Variants in SLC22A3 observed in about 807,000 individuals in gnomAD.
SLC22A3 encodes the protein solute carrier family 22 member 3.
SLC22A3 carries 51 observed loss-of-function variants against 59.1 expected under a neutral mutation model. The ratio of observed to expected loss-of-function variants is 0.86; its 90% CI spans 0.69 to 1.09. SLC22A3 has a LOEUF of 1.09. Among genes scored for constraint, SLC22A3 ranks in the 50% least tolerant of loss-of-function variants. SLC22A3 has a pLI of 0.00. For synonymous variants in SLC22A3, 325 were observed against 292.0 expected (o/e 1.11, Z -1.15); for missense variants, 711 against 726.3 (o/e 0.98, Z 0.24).
intron 2 of SLC22A3, among the ~76,000 whole-genome samples, chr6:160,399,227 T>G (rs1222200193): frequency 1.3e-5 from 2 of 152,194 alleles, no homozygotes; most frequent in African/African-American, 4.8e-5. Flanking sequence ...TTCTTCTTTT[T>G]ATCGATGTCC....
intron 1 of SLC22A3, among the ~76,000 whole-genome samples, chr6:160,366,054 A>G (rs1240705000): frequency 6.6e-6 from 1 of 152,160 alleles, no homozygotes; most frequent in Non-Finnish European, 1.5e-5. Context: ...CTACAATTCA[A>G]GATAGGATTT....
At chr6:160,371,208 G>T (rs1262745198) in intron 1 of SLC22A3, among the ~76,000 whole-genome samples, 1 of 152,138 alleles carries the variant, frequency 6.6e-6, no homozygotes, top group Non-Finnish European at 1.5e-5. Flanking sequence ...TATACTTTAA[G>T]TTCTGGGATA....
rs1786442256 is a variant in SLC22A3, at chr6:160,395,663, T to C, written c.430-2316T>C. Among the ~76,000 whole-genome samples the C allele has an allele frequency of 3.9e-5, 6 of 152,224 alleles. No individual in the cohort carries two copies. The South Asian group carries it at 1.2e-3, about 31-fold the overall frequency. ...GAAAAACCAAAATTGATAATAAAAA[T>C]CCTTTAAAATGACCATGATTACAAC... On this transcript the variant is annotated intron_variant, in intron 1 of 10. Transcript: ENST00000275300.
chr6:160,423,484 C>T (rs1276001745), intron 5 of SLC22A3, among the ~76,000 whole-genome samples: 1 of 92,976 alleles, frequency 1.1e-5, no homozygotes, highest in Non-Finnish European at 2.1e-5. Context: ...CACATCCTCT[C>T]CAGCACCTGT....
chr6:160,442,325 T>G (rs1357563369), intron 7 of SLC22A3, among the ~76,000 whole-genome samples: 1 of 152,220 alleles, frequency 6.6e-6, no homozygotes, highest in Non-Finnish European at 1.5e-5. Context: ...TGGGAACGGC[T>G]ATTCCTTGTG....
intron 1 of SLC22A3, among the ~76,000 whole-genome samples, chr6:160,370,905 C>T (rs1024427716): frequency 1.3e-5 from 2 of 152,102 alleles, no homozygotes; most frequent in African/African-American, 4.8e-5. Context: ...TTGCTTCTAC[C>T]TCATTTCTTG....
intron 1 of SLC22A3, among the ~76,000 whole-genome samples, chr6:160,376,760 G>A (rs1203838951): frequency 1.3e-4 from 20 of 152,046 alleles, no homozygotes. Context: ...CTTAAAGCTG[G>A]GTCACCATGA....
In SLC22A3 at chr6:160,348,452, G is replaced by T; in HGVS notation, c.33G>T (p.Val11=). Residue 11 remains valine, a synonymous_variant, in exon 1 of 11, where the codon GTG becomes GTT. Transcript: ENST00000275300. MPSFDEALQR[V]GEFGRFQRRV... is the part of the protein sequence containing the mutation. Reference sequence around the variant, plus strand: ...CCTTCGACGAGGCGCTGCAGCGGGTGGGCGAGTTCGGGCGCTTCCAGAGGC... The same window carrying T: ...CCTTCGACGAGGCGCTGCAGCGGGTTGGCGAGTTCGGGCGCTTCCAGAGGC... 6.5e-7 allele frequency: 1 copy of T among 1,531,514 alleles called. No homozygotes were observed. The allele number at this position is 1,531,514 out of a possible 1,614,324, so 94.9% of individuals were successfully genotyped here. A position where few individuals can be genotyped will look rare whatever the true frequency, so the allele number is the denominator to read the frequency against.
chr6:160,442,174 G>GGGGAT (rs1422921116), intron 7 of SLC22A3, among the ~76,000 whole-genome samples: 1 of 152,200 alleles, frequency 6.6e-6, no homozygotes, highest in Non-Finnish European at 1.5e-5. Flanking sequence ...TAGTACAATG[G>GGGGAT]GGGATGAAGA....
chr6:160,404,224 A>G (rs1161126318), intron 2 of SLC22A3, among the ~76,000 whole-genome samples: 6 of 151,972 alleles, frequency 3.9e-5, no homozygotes, highest in African/African-American at 9.7e-5. Flanking sequence ...CCTGAAACTA[A>G]TAAGTGAGTA....
At chr6:160,366,224 A>T (rs1050652942) in intron 1 of SLC22A3, among the ~76,000 whole-genome samples, 1 of 152,252 alleles carries the variant, frequency 6.6e-6, no homozygotes, top group African/African-American at 2.4e-5. Context: ...CTCATCTCAG[A>T]CAAGGCAAGT....
intron 5 of SLC22A3, among the ~76,000 whole-genome samples, chr6:160,428,092 C>A (rs1004014156): frequency 3.3e-5 from 5 of 150,190 alleles, no homozygotes; most frequent in African/African-American, 4.9e-5. Flanking sequence ...CCCCCACCCA[C>A]ACACACAAAC....
intron 5 of SLC22A3, among the ~76,000 whole-genome samples, chr6:160,425,571 A>G (rs1787919328): frequency 1.3e-5 from 2 of 151,822 alleles, no homozygotes; most frequent in East Asian, 1.9e-4. Flanking sequence ...ATAGGTCTTT[A>G]TTTAACTATA....
chr6:160,368,813 T>C (rs1785296858), intron 1 of SLC22A3, among the ~76,000 whole-genome samples: 1 of 152,234 alleles, frequency 6.6e-6, no homozygotes, highest in Non-Finnish European at 1.5e-5. Flanking sequence ...CGCAGGTAGC[T>C]GCCATAGTCA....
At chr6:160,397,531 C>T (rs1362819057) in intron 1 of SLC22A3, among the ~76,000 whole-genome samples, 2 of 152,058 alleles carry the variant, frequency 1.3e-5, no homozygotes, top group Non-Finnish European at 2.9e-5. Flanking sequence ...GTCAAGAGAT[C>T]GAGACCATTC....
intron 5 of SLC22A3, among the ~76,000 whole-genome samples, chr6:160,424,693 T>C (rs1787883615): frequency 6.6e-6 from 1 of 152,188 alleles, no homozygotes; most frequent in Non-Finnish European, 1.5e-5. Flanking sequence ...CTCTCAAAGG[T>C]GAATAGGATG....
chr6:160,408,659 G>A (rs1787117834), intron 3 of SLC22A3, 94 bp from the exon 4 acceptor site: 1 of 1,227,678 alleles, frequency 8.1e-7, no homozygotes, highest in Admixed American at 1.8e-5. Context: ...TAGCAATGCT[G>A]ATGGATGTAA....
At chr6:160,386,565 A>G (rs578259312) in intron 1 of SLC22A3, among the ~76,000 whole-genome samples, 289 of 152,318 alleles carry the variant, frequency 1.9e-3, no homozygotes, top group African/African-American at 6.4e-3. Flanking sequence ...GGGGAAGTAT[A>G]GGCCCAGGCG....
intron 5 of SLC22A3, among the ~76,000 whole-genome samples, chr6:160,433,962 A>G (rs376352505): frequency 6.6e-6 from 1 of 152,190 alleles, no homozygotes; most frequent in East Asian, 1.9e-4. Flanking sequence ...AGAAAAAAGT[A>G]TTGCCACCTG....
Sources: allele counts gnomAD v4.1 joint callset (sites outside exome capture counted in the v4.1 genomes callset), GRCh38; gene constraint gnomAD v4.1.1; transcripts MANE v1.5; gene names NCBI Gene and HGNC (gene_info 2026-07-23, HGNC 2026-07-21).